Variants in ITGBL1 observed in about 807,000 individuals in gnomAD.
ITGBL1 encodes the protein integrin subunit beta like 1.
A neutral mutation model predicts 68.5 loss-of-function variants in ITGBL1; 51 were observed. That is an observed-to-expected ratio of 0.74 (90% CI 0.59 to 0.94). The LOEUF (loss-of-function observed/expected upper bound fraction) is 0.94. Ranked by LOEUF, ITGBL1 falls within the 40% of genes least tolerant of loss-of-function variation. The probability of loss-of-function intolerance (pLI) is 0.00; values close to 1 mark genes in which losing one functional copy is unlikely to be tolerated. For synonymous variants in ITGBL1, 209 were observed against 227.3 expected (o/e 0.92, Z 0.72); for missense variants, 649 against 647.4 (o/e 1.00, Z -0.03).
chr13:101,678,106 T>C (rs1489358341), intron 7 of ITGBL1, among the ~76,000 whole-genome samples: 1 of 152,240 alleles, frequency 6.6e-6, no homozygotes, highest in Non-Finnish European at 1.5e-5. Context: ...TTAAGAATAG[T>C]ACAAAGAGCT....
chr13:101,583,525 G>A (rs902695833), intron 6 of ITGBL1, among the ~76,000 whole-genome samples, 169 bp downstream of exon 6: 2 of 151,964 alleles, frequency 1.3e-5, no homozygotes, highest in African/African-American at 4.8e-5. Flanking sequence ...AATGTAAAGA[G>A]TATAATTGGA....
intron 7 of ITGBL1, among the ~76,000 whole-genome samples, chr13:101,653,000 G>A (rs1270629997): frequency 1.3e-5 from 2 of 152,150 alleles, no homozygotes; most frequent in Non-Finnish European, 2.9e-5. Flanking sequence ...GGAGGCTGAA[G>A]CAGGAGAATT....
intron 7 of ITGBL1, among the ~76,000 whole-genome samples, chr13:101,601,336 A>T (rs1594919335): frequency 6.6e-6 from 1 of 151,730 alleles, no homozygotes; most frequent in East Asian, 1.9e-4. Flanking sequence ...TTTCTTCTTT[A>T]TTAGTCTTGC....
chr13:101,507,490 TA>T (rs1191070825), intron 2 of ITGBL1, among the ~76,000 whole-genome samples: 2 of 152,196 alleles, frequency 1.3e-5, no homozygotes, highest in Non-Finnish European at 2.9e-5. Flanking sequence ...TTCCTAATGA[TA>T]AAAAATATAT....
At chr13:101,636,330 C>A (rs2139419744) in intron 7 of ITGBL1, among the ~76,000 whole-genome samples, 1 of 152,242 alleles carries the variant, frequency 6.6e-6, no homozygotes, top group South Asian at 2.1e-4. Context: ...AATACTCAAA[C>A]ATATATCCAC....
intron 7 of ITGBL1, among the ~76,000 whole-genome samples, chr13:101,601,916 A>G (rs1375175901): frequency 6.6e-6 from 1 of 152,248 alleles, no homozygotes; most frequent in South Asian, 2.1e-4. Context: ...AATTTAAAAA[A>G]CAGCTGAGAT....
intron 7 of ITGBL1, among the ~76,000 whole-genome samples, chr13:101,630,668 G>A (rs531357916): frequency 1.3e-5 from 2 of 152,196 alleles, no homozygotes; most frequent in East Asian, 3.9e-4. Flanking sequence ...CATTTCCTAT[G>A]CATTTTTGAA....
intron 2 of ITGBL1, 137 bp from the exon 3 acceptor site, chr13:101,567,562 C>A: frequency 1.5e-6 from 1 of 650,166 alleles, no homozygotes; most frequent in Non-Finnish European, 2.5e-6. Context: ...CATTACCCCT[C>A]AGCCACTGCG....
chr13:101,601,743 G>C (rs1448752670), intron 7 of ITGBL1, among the ~76,000 whole-genome samples: 3 of 152,136 alleles, frequency 2.0e-5, no homozygotes, highest in Non-Finnish European at 2.9e-5. Context: ...TAGTTGAGTG[G>C]TTTTGAGTGA....
chr13:101,711,184 C>T (rs896181494), intron 9 of ITGBL1: 1 of 152,166 alleles, frequency 6.6e-6, no homozygotes, highest in African/African-American at 2.4e-5. Context: ...TATTTGGCTT[C>T]AAGACTACAC....
At chr13:101,710,452 C>G (rs960783955) in intron 9 of ITGBL1, among the ~76,000 whole-genome samples, 4 of 152,136 alleles carry the variant, frequency 2.6e-5, no homozygotes, top group African/African-American at 7.2e-5. Context: ...AGCACTACCC[C>G]ACAACCCACC....
intron 2 of ITGBL1, among the ~76,000 whole-genome samples, chr13:101,482,442 C>T (rs963418396): frequency 6.6e-6 from 1 of 151,492 alleles, no homozygotes; most frequent in Admixed American, 6.6e-5. Flanking sequence ...TAATAAAATT[C>T]CTCATGAAAA....
At chr13:101,688,133 T>A (rs1173170026) in intron 7 of ITGBL1, among the ~76,000 whole-genome samples, 1 of 152,154 alleles carries the variant, frequency 6.6e-6, no homozygotes, top group Non-Finnish European at 1.5e-5. Flanking sequence ...AACCTGTATG[T>A]CAGCATCCTT....
chr13:101,618,948 G>C (rs1027932331), intron 7 of ITGBL1, among the ~76,000 whole-genome samples: 1 of 151,986 alleles, frequency 6.6e-6, no homozygotes, highest in Non-Finnish European at 1.5e-5. Flanking sequence ...GGATGGTAGC[G>C]TTCTAAATTT....
At chr13:101,540,301 A>T (rs954633730) in intron 2 of ITGBL1, among the ~76,000 whole-genome samples, 1 of 152,202 alleles carries the variant, frequency 6.6e-6, no homozygotes, top group Admixed American at 6.5e-5. Context: ...ACCATTTATT[A>T]AATAGGGAAT....
intron 2 of ITGBL1, among the ~76,000 whole-genome samples, chr13:101,521,894 G>A (rs2049291622): frequency 6.6e-6 from 1 of 151,098 alleles, no homozygotes; most frequent in African/African-American, 2.4e-5. Context: ...AGTCCTGGAG[G>A]CTCAGGTTCA....
intron 7 of ITGBL1, among the ~76,000 whole-genome samples, chr13:101,660,596 G>C (rs1337543928): frequency 6.6e-6 from 1 of 152,094 alleles, no homozygotes; most frequent in East Asian, 1.9e-4. Context: ...TTCCTAACCT[G>C]GTGGCCTTTT....
At position 101,715,575 on chromosome 13, in the gene ITGBL1, G is replaced by T. The variant is rs1594010648; in HGVS notation, c.1406G>T (p.Cys469Phe). The change falls in exon 11 of 11, where the codon TGT becomes TTT. Residue 469 changes from cysteine to phenylalanine, a missense_variant. Coordinates refer to ENST00000376180, the MANE Select transcript of ITGBL1 (RefSeq NM_004791.3). ...DGLICTGNGI[C>F]SCGNCECWDG... Reference sequence around the variant, plus strand: ...TATTTTATTGCAGGGAATGGAATATGTAGCTGTGGAAACTGTGAATGCTGG... The same window carrying T: ...TATTTTATTGCAGGGAATGGAATATTTAGCTGTGGAAACTGTGAATGCTGG... 6.2e-7 allele frequency: 1 copy of T among 1,611,770 alleles called. No homozygotes were observed. The highest frequency in any genetic ancestry group is 1.3e-5 in the African/African-American group (1 of 74,856).
intron 2 of ITGBL1, among the ~76,000 whole-genome samples, chr13:101,461,199 A>G (rs1025069130): frequency 2.0e-5 from 3 of 152,328 alleles, no homozygotes; most frequent in Non-Finnish European, 2.9e-5. Context: ...CAAATTTTAA[A>G]TTTGCAAAAC....
Sources: gnomAD v4.1 joint callset for allele counts (sites outside exome capture counted in the v4.1 genomes callset) on GRCh38, gnomAD v4.1.1 for gene constraint, MANE v1.5 for transcripts, NCBI Gene and HGNC (gene_info 2026-07-23, HGNC 2026-07-21) for gene names.